The following SLC2A5 variants were observed in gnomAD, a reference collection of about 807,000 sequenced individuals.
SLC2A5 encodes the protein solute carrier family 2, facilitated glucose transporter member 5.
SLC2A5 carries 56 observed loss-of-function variants against 50.3 expected under a neutral mutation model. The observed-to-expected ratio is 1.11, with a 90% CI of 0.90 to 1.39. The LOEUF (loss-of-function observed/expected upper bound fraction) is 1.39. Among genes scored for constraint, SLC2A5 ranks in the 40% most tolerant of loss-of-function variants. The pLI, the probability that SLC2A5 is intolerant of heterozygous loss-of-function variation, is 0.00. For synonymous variants in SLC2A5, 269 were observed against 281.9 expected, an observed-to-expected ratio of 0.95 and a Z score of 0.46; for missense variants, 566 against 650.1, an observed-to-expected ratio of 0.87 and a Z score of 1.41.
At chr1:9,093,109 G>C (rs913101391), upstream of SLC2A5, among the ~76,000 whole-genome samples, 1 of 151,810 alleles carries the variant, frequency 6.6e-6, no homozygotes, top group South Asian at 2.1e-4. Context: ...TTGGGAATAC[G>C]CCGACAAATA....
chr1:9,089,881 C>T (rs1281791496), upstream of SLC2A5, among the ~76,000 whole-genome samples: 1 of 152,208 alleles, frequency 6.6e-6, no homozygotes, highest in East Asian at 1.9e-4. Context: ...CCCTGGGATT[C>T]TTCACCCCCA....
intron 2 of SLC2A5, among the ~76,000 whole-genome samples, chr1:9,081,610 A>G (rs1414239120): frequency 4.6e-5 from 7 of 152,200 alleles, no homozygotes. Flanking sequence ...AACCAAATTC[A>G]AAATGCGCAA....
At chr1:9,089,792 G>A (rs773788386), upstream of SLC2A5, among the ~76,000 whole-genome samples, 8 of 152,168 alleles carry the variant, frequency 5.3e-5, no homozygotes, top group Admixed American at 1.3e-4. Context: ...CCGTTTGGGT[G>A]CCACTCATAA....
intron 4 of SLC2A5, among the ~76,000 whole-genome samples, chr1:9,046,665 C>CGTGTGTGTGTGTGTGTGTGT (rs55827239): frequency 1.4e-5 from 2 of 147,236 alleles, no homozygotes; most frequent in African/African-American, 5.0e-5. Flanking sequence ...ACCTGGTTCT[C>CGTGTGTGTGTGTGTGTGTGT]GTGTGTGTGT....
chr1:9,062,300 A>G (rs1305768652), intron 1 of SLC2A5, among the ~76,000 whole-genome samples: 2 of 152,234 alleles, frequency 1.3e-5, no homozygotes, highest in Non-Finnish European at 2.9e-5. Flanking sequence ...AGGAGTGGTT[A>G]AAAAGAGAGG....
intron 1 of SLC2A5, among the ~76,000 whole-genome samples, chr1:9,059,734 A>G (rs1641859716): frequency 6.6e-6 from 1 of 150,546 alleles, no homozygotes; most frequent in African/African-American, 2.4e-5. Flanking sequence ...GGGTCTCATT[A>G]TATTGTCCAA....
intron 1 of SLC2A5, among the ~76,000 whole-genome samples, chr1:9,060,625 A>G (rs193000417): frequency 1.8e-5 from 2 of 109,996 alleles, no homozygotes; most frequent in Non-Finnish European, 3.7e-5. Flanking sequence ...CACACACCAC[A>G]CATACACACA....
At chr1:9,086,118 G>A (rs1332791075) in intron 1 of SLC2A5, among the ~76,000 whole-genome samples, 2 of 152,168 alleles carry the variant, frequency 1.3e-5, no homozygotes, top group African/African-American at 4.8e-5. Context: ...ATGATCACTT[G>A]GATAATGAAG....
At chr1:9,091,555 T>G (rs1400886737), upstream of SLC2A5, among the ~76,000 whole-genome samples, 1 of 152,188 alleles carries the variant, frequency 6.6e-6, no homozygotes, top group Non-Finnish European at 1.5e-5. Flanking sequence ...TCCTCTCATG[T>G]GCAAGCCCTA....
chr1:9,072,857 G>A (rs958535090), upstream of SLC2A5, among the ~76,000 whole-genome samples: 1 of 151,568 alleles, frequency 6.6e-6, no homozygotes, highest in Non-Finnish European at 1.5e-5. Context: ...AACTACTTGG[G>A]AGGCTGAAGT....
At chr1:9,048,518 T>C (rs1455921838) in intron 3 of SLC2A5, among the ~76,000 whole-genome samples, 1 of 151,894 alleles carries the variant, frequency 6.6e-6, no homozygotes, top group Admixed American at 6.6e-5. Flanking sequence ...CCTCAAAAAA[T>C]AAATAAATAA....
At chr1:9,083,282 T>C (rs531376447) in intron 2 of SLC2A5, among the ~76,000 whole-genome samples, 1 of 152,342 alleles carries the variant, frequency 6.6e-6, no homozygotes, top group East Asian at 1.9e-4. Context: ...GTGCACATTT[T>C]TCTCCACAGT....
intron 5 of SLC2A5, chr1:9,041,390 G>T: frequency 1.0e-6 from 1 of 985,428 alleles, no homozygotes; most frequent in Non-Finnish European, 1.3e-6. Flanking sequence ...GATAATCACT[G>T]AGTCCCAGGC....
upstream of SLC2A5, among the ~76,000 whole-genome samples, chr1:9,091,857 C>T (rs568686386): frequency 6.6e-6 from 1 of 152,234 alleles, no homozygotes; most frequent in Non-Finnish European, 1.5e-5. Context: ...AGAGGCTGCT[C>T]CCTTGCCTTT....
At chr1:9,091,929 A>G (rs933540453), upstream of SLC2A5, among the ~76,000 whole-genome samples, 3 of 152,142 alleles carry the variant, frequency 2.0e-5, no homozygotes, top group African/African-American at 7.2e-5. Context: ...TCTAGCAAAA[A>G]CACACACACT....
At chr1:9,092,434 C>T (rs115791286), upstream of SLC2A5, among the ~76,000 whole-genome samples, 533 of 152,256 alleles carry the variant, frequency 3.5e-3, 5 homozygotes, top group African/African-American at 0.013. Flanking sequence ...CACTTAACCC[C>T]AGATATAAAG....
upstream of SLC2A5, among the ~76,000 whole-genome samples, chr1:9,074,189 A>G (rs1642256563): frequency 6.6e-6 from 1 of 152,176 alleles, no homozygotes; most frequent in African/African-American, 2.4e-5. Flanking sequence ...GAGGGGGGCA[A>G]GCATTCTCTC....
At chr1:9,052,996 A>T (rs1219208583) in intron 3 of SLC2A5, among the ~76,000 whole-genome samples, 1 of 137,230 alleles carries the variant, frequency 7.3e-6, no homozygotes, top group Non-Finnish European at 1.5e-5. Flanking sequence ...ATATGTTTTA[A>T]AAATATTTTT....
At chr1:9,074,848 A>T (rs1401794935) in intron 2 of SLC2A5, among the ~76,000 whole-genome samples, 1 of 151,984 alleles carries the variant, frequency 6.6e-6, no homozygotes, top group Non-Finnish European at 1.5e-5. Flanking sequence ...ACACAGTGAG[A>T]CCTTATCTCT....
Sources: allele counts gnomAD v4.1 joint callset (sites outside exome capture counted in the v4.1 genomes callset), GRCh38; gene constraint gnomAD v4.1.1; transcripts MANE v1.5; gene names NCBI Gene and HGNC (gene_info 2026-07-23, HGNC 2026-07-21).